The following CDH18 variants were observed in gnomAD, a reference collection of about 807,000 sequenced individuals.
CDH18 encodes the protein cadherin 18, also known as cadherin-18.
A neutral mutation model predicts 67.9 loss-of-function variants in CDH18; 31 were observed. The ratio of observed to expected loss-of-function variants is 0.46; its 90% CI spans 0.34 to 0.62. The LOEUF is 0.62. Among genes scored for constraint, CDH18 ranks in the 20% least tolerant of loss-of-function variants. CDH18 has a pLI of 0.01. For missense variants in CDH18, 890 were observed against 975.5 expected, an observed-to-expected ratio of 0.91 and a Z score of 1.17; for synonymous variants, 362 against 347.2, an observed-to-expected ratio of 1.04 and a Z score of -0.48.
intron 1 of CDH18, among the ~76,000 whole-genome samples, chr5:20,377,412 G>T (rs956894542): frequency 6.6e-6 from 1 of 152,090 alleles, no homozygotes; most frequent in Non-Finnish European, 1.5e-5. Flanking sequence ...TGTTTGAATT[G>T]CTTCAGAGTA....
At chr5:20,354,816 T>C (rs1001553810) in intron 1 of CDH18, among the ~76,000 whole-genome samples, 1 of 152,084 alleles carries the variant, frequency 6.6e-6, no homozygotes. Flanking sequence ...GAGATCTGAG[T>C]TGGTAACCAT....
intron 1 of CDH18, among the ~76,000 whole-genome samples, chr5:20,469,706 C>G (rs1751915791): frequency 6.6e-6 from 1 of 152,068 alleles, no homozygotes; most frequent in African/African-American, 2.4e-5. Flanking sequence ...CTTCATTGCT[C>G]CCTCCAGTCT....
Position 20,557,858 on chromosome 5 carries a change from T to TAAA in CDH18, c.-580+17603_-580+17604insTTT, listed in dbSNP as rs1757987747. Among the ~76,000 whole-genome samples the TAAA allele has an allele frequency of 6.8e-5, 8 of 117,654 alleles. 2 individuals are homozygous for TAAA. The highest frequency in any genetic ancestry group is 5.5e-4 in the Admixed American group (6 of 10,956). 77.2% of individuals were successfully genotyped at this position (117,654 alleles called of 152,430 possible). On this transcript the variant is annotated intron_variant, in intron 1 of 14. Coordinates refer to the CDH18 transcript ENST00000507958. ...TAAATGTAACATTGTTATATAACAT[T>TAAA]TAATGTTATAGTTATATAACATTAA... is the stretch of plus-strand genomic sequence containing the variant.
At chr5:19,571,301 C>T (rs1447736599) in intron 8 of CDH18, among the ~76,000 whole-genome samples, 1 of 152,092 alleles carries the variant, frequency 6.6e-6, no homozygotes, top group Non-Finnish European at 1.5e-5. Context: ...AGCTCTACAA[C>T]AATTTTCTCA....
chr5:20,125,096 G>A (rs536903200), intron 2 of CDH18, among the ~76,000 whole-genome samples: 1 of 152,294 alleles, frequency 6.6e-6, no homozygotes, highest in African/African-American at 2.4e-5. Context: ...GTGTGACCAA[G>A]TATGGAAATA....
At chr5:19,787,237 A>G (rs1775895942) in intron 3 of CDH18, among the ~76,000 whole-genome samples, 1 of 152,112 alleles carries the variant, frequency 6.6e-6, no homozygotes, top group African/African-American at 2.4e-5. Flanking sequence ...GGTGGATCAC[A>G]ATGTCAAGAG....
At chr5:19,999,333 C>T (rs2150398403) in intron 2 of CDH18, among the ~76,000 whole-genome samples, 1 of 152,256 alleles carries the variant, frequency 6.6e-6, no homozygotes, top group East Asian at 1.9e-4. Flanking sequence ...GGCAGGGTGA[C>T]TCACGCCTAT....
At chr5:19,677,460 A>C (rs1759659331) in intron 5 of CDH18, among the ~76,000 whole-genome samples, 1 of 151,998 alleles carries the variant, frequency 6.6e-6, no homozygotes, top group African/African-American at 2.4e-5. Flanking sequence ...ACAAAAACAC[A>C]TTTAAGTACA....
At chr5:20,362,394 C>T (rs756523448) in intron 1 of CDH18, among the ~76,000 whole-genome samples, 1 of 152,148 alleles carries the variant, frequency 6.6e-6, no homozygotes, top group Non-Finnish European at 1.5e-5. Context: ...GAACTAAGTA[C>T]TCATCTAAAA....
At chr5:20,460,436 TAAATA>T (rs1561025314) in intron 1 of CDH18, among the ~76,000 whole-genome samples, 4 of 130,890 alleles carry the variant, frequency 3.1e-5, no homozygotes, top group African/African-American at 6.0e-5. Flanking sequence ...AATAAATAAA[TAAATA>T]AAATATGTTG....
intron 3 of CDH18, among the ~76,000 whole-genome samples, chr5:19,809,243 T>C (rs938278079): frequency 6.6e-5 from 10 of 152,242 alleles, no homozygotes; most frequent in African/African-American, 2.4e-4. Flanking sequence ...CTTAGGGACA[T>C]GGAGGCCATT....
At chr5:19,955,964 G>C (rs926868527) in intron 2 of CDH18, among the ~76,000 whole-genome samples, 1 of 151,942 alleles carries the variant, frequency 6.6e-6, no homozygotes, top group African/African-American at 2.4e-5. Flanking sequence ...AGATATCCAA[G>C]TATAAATACA....
At chr5:19,618,713 G>A (rs1203165241) in intron 5 of CDH18, among the ~76,000 whole-genome samples, 1 of 152,086 alleles carries the variant, frequency 6.6e-6, no homozygotes, top group South Asian at 2.1e-4. Flanking sequence ...GTGGGTCCCA[G>A]GCATAAGTTT....
At position 19,917,652 on chromosome 5, in the gene CDH18, G is replaced by T. The variant is rs186752531; in HGVS notation, c.-257+63408C>A. On this transcript the variant is annotated intron_variant, in intron 2 of 12. Transcript: ENST00000382275. ...GTGTATCGCTCATGGGTCAACCAGA[G>T]CTAATGGATGCAGATGCACAGTAAT... Among the ~76,000 whole-genome samples the T allele has an allele frequency of 5.3e-5, 8 of 152,234 alleles. No individual in the cohort carries two copies. In the East Asian group the frequency reaches 1.5e-3, roughly 29 times the overall value.
chr5:19,591,267 CAT>C, intron 6 of CDH18, 23 bp from the exon 7 acceptor site: 1 of 1,473,670 alleles, frequency 6.8e-7, no homozygotes, highest in Non-Finnish European at 9.2e-7. Context: ...TCATATTAAA[CAT>C]ATTTAAATAC....
intron 3 of CDH18, among the ~76,000 whole-genome samples, chr5:19,830,930 C>T (rs1212223366): frequency 6.6e-6 from 1 of 151,968 alleles, no homozygotes; most frequent in Non-Finnish European, 1.5e-5. Flanking sequence ...CAAACTAACG[C>T]AGGAAGAGAA....
chr5:19,856,954 C>T (rs1351437396), intron 2 of CDH18, among the ~76,000 whole-genome samples: 1 of 152,000 alleles, frequency 6.6e-6, no homozygotes, highest in African/African-American at 2.4e-5. Flanking sequence ...TGGGCAAGAT[C>T]ACTCACGATT....
intron 5 of CDH18, among the ~76,000 whole-genome samples, chr5:19,641,208 A>G (rs1314925435): frequency 2.6e-5 from 4 of 151,746 alleles, no homozygotes; most frequent in Non-Finnish European, 5.9e-5. Context: ...AAAAAGCCCA[A>G]CAAACAAAAG....
At chr5:19,917,732 CATT>C (rs996213985) in intron 2 of CDH18, among the ~76,000 whole-genome samples, 1 of 152,126 alleles carries the variant, frequency 6.6e-6, no homozygotes, top group Non-Finnish European at 1.5e-5. Flanking sequence ...TAGAGCATTG[CATT>C]ATTTATTGTC....
Sources: allele counts gnomAD v4.1 joint callset (sites outside exome capture counted in the v4.1 genomes callset), GRCh38; gene constraint gnomAD v4.1.1; transcripts MANE v1.5; gene names NCBI Gene and HGNC (gene_info 2026-07-23, HGNC 2026-07-21).